The following BCAS3 variants were observed in gnomAD, a reference collection of about 807,000 sequenced individuals.
BCAS3 encodes BCAS4/BCAS3 fusion.
A neutral mutation model predicts 116.1 loss-of-function variants in BCAS3; 53 were observed. The ratio of observed to expected loss-of-function variants is 0.46; its 90% confidence interval spans 0.37 to 0.57. The LOEUF (loss-of-function observed/expected upper bound fraction) is 0.57. BCAS3 is among the 20% of genes least tolerant of loss of function. BCAS3 has a pLI of 0.00. For synonymous variants in BCAS3, 391 were observed against 408.2 expected (o/e 0.96, Z 0.51); for missense variants, 917 against 1,165.4 (o/e 0.79, Z 3.10).
chr17:61,212,634 A>C (rs1438441199), intron 22 of BCAS3, among the ~76,000 whole-genome samples: 2 of 151,896 alleles, frequency 1.3e-5, no homozygotes, highest in Admixed American at 6.6e-5. Flanking sequence ...TAAACATATA[A>C]ATATTTCTGT....
At chr17:61,036,951 G>A (rs940719687) in intron 17 of BCAS3, among the ~76,000 whole-genome samples, 2 of 152,148 alleles carry the variant, frequency 1.3e-5, no homozygotes, top group Non-Finnish European at 2.9e-5. Flanking sequence ...AGCCAAATGA[G>A]CAGAAGGTCC....
intron 6 of BCAS3, among the ~76,000 whole-genome samples, chr17:60,795,115 G>A (rs2047101472): frequency 6.6e-6 from 1 of 151,990 alleles, no homozygotes; most frequent in Admixed American, 6.6e-5. Flanking sequence ...TCCTTGTAGA[G>A]GTCTTTTGAG....
At chr17:61,287,764 CA>C (rs1317339169) in intron 22 of BCAS3, among the ~76,000 whole-genome samples, 1 of 151,898 alleles carries the variant, frequency 6.6e-6, no homozygotes, top group Non-Finnish European at 1.5e-5. Flanking sequence ...ACCAACAAGC[CA>C]AAAAAGTACA....
chr17:60,765,984 T>C (rs1376863883), intron 6 of BCAS3, among the ~76,000 whole-genome samples: 3 of 152,238 alleles, frequency 2.0e-5, no homozygotes, highest in African/African-American at 2.4e-5. Context: ...AATCGGCTAC[T>C]GAAGCATGTG....
At chr17:61,154,852 G>T (rs1031064191) in intron 22 of BCAS3, among the ~76,000 whole-genome samples, 1 of 151,240 alleles carries the variant, frequency 6.6e-6, no homozygotes, top group Non-Finnish European at 1.5e-5. Flanking sequence ...GTAAATGAAG[G>T]CACTAAATAT....
At position 61,380,464 on chromosome 17, in the gene BCAS3, G is replaced by GT. The variant is rs1228551379; in HGVS notation, c.2594-11510dup. The GT allele has an allele frequency of 6.4e-7, 1 of 1,564,346 alleles. No individual in the cohort carries two copies. The stretch of plus-strand genomic sequence containing the variant: ...CTCTTCCTGCTCTCTTAAAGGTCCA[G>GT]TTTGTGATCCGCTTTAAAGGAATAT... On this transcript the variant is annotated intron_variant, in intron 23 of 23. Transcript: ENST00000407086. The surrounding 1 kb of genome is among the most constrained non-coding windows in gnomAD (Gnocchi z 4.2).
chr17:60,984,893 C>T (rs1419422015), intron 14 of BCAS3, among the ~76,000 whole-genome samples: 2 of 151,082 alleles, frequency 1.3e-5, no homozygotes, highest in African/African-American at 4.9e-5. Flanking sequence ...GCCTGTAATC[C>T]CAGCTATTTG....
chr17:60,827,751 T>G (rs1246933212), intron 7 of BCAS3, among the ~76,000 whole-genome samples: 1 of 93,060 alleles, frequency 1.1e-5, no homozygotes, highest in Non-Finnish European at 2.0e-5. Flanking sequence ...TTCCTCCCCC[T>G]GTAGAAGAAG....
chr17:61,315,810 C>T lies in BCAS3; in HGVS notation c.2426-52517C>T, dbSNP rs1015633153. 1.3e-5 allele frequency among the ~76,000 whole-genome samples: 2 copies of T among 152,118 alleles called. No individual in the cohort carries two copies. The highest frequency in any genetic ancestry group is 6.5e-5 in the Admixed American group (1 of 15,270). On this transcript the variant is annotated intron_variant, in intron 22 of 23. Coordinates refer to ENST00000407086, the MANE Select transcript of BCAS3 (RefSeq NM_017679.5). The surrounding 1 kb of genome is among the most constrained non-coding windows in gnomAD (Gnocchi z 5.3). ...ATCTGCCTCCACATGCCGCTGCGTC[C>T]CCTCCACGGCTCCCCTGCAGTAGCA...
chr17:60,900,934 C>G (rs1298311963), intron 10 of BCAS3, among the ~76,000 whole-genome samples: 1 of 151,906 alleles, frequency 6.6e-6, no homozygotes, highest in Non-Finnish European at 1.5e-5. Context: ...TAGGGCTGGG[C>G]GTGGTGGCTC....
chr17:60,812,165 GTGATGT>G (rs1346666006), intron 7 of BCAS3, among the ~76,000 whole-genome samples: 2 of 152,186 alleles, frequency 1.3e-5, no homozygotes, highest in Non-Finnish European at 2.9e-5. Flanking sequence ...TGAGCATATG[GTGATGT>G]TGAATAGAGT....
Position 61,367,476 on chromosome 17 carries a change from G to C in BCAS3, c.2426-851G>C, listed in dbSNP as rs985905837. 2.6e-5 allele frequency: 4 copies of C among 152,240 alleles called. No individual in the cohort carries two copies. The highest frequency in any genetic ancestry group is 4.4e-5 in the Non-Finnish European group (3 of 68,042). 9.4% of individuals were successfully genotyped at this position (152,240 alleles called of 1,614,324 possible). On this transcript the variant is annotated intron_variant, in intron 22 of 23. Transcript: ENST00000407086. This position sits in a 1 kb window ranked among gnomAD's most constrained non-coding sequence, Gnocchi z 6.2. ...ACACCACAGACGTTTTGGAATTGGGGAGCAGCTTTGGCTTAAGGACAGACC... is the reference window on the plus strand; with the variant it reads ...ACACCACAGACGTTTTGGAATTGGGCAGCAGCTTTGGCTTAAGGACAGACC...
intron 13 of BCAS3, among the ~76,000 whole-genome samples, chr17:60,928,378 A>G (rs780035428): frequency 1.6e-4 from 24 of 152,350 alleles, no homozygotes; most frequent in Non-Finnish European, 2.8e-4. Context: ...AAAATATGGT[A>G]CATTTGAAAT....
At chr17:60,923,194 G>C (rs1358691315) in intron 12 of BCAS3, among the ~76,000 whole-genome samples, 1 of 152,144 alleles carries the variant, frequency 6.6e-6, no homozygotes, top group African/African-American at 2.4e-5. Flanking sequence ...GATTGAATTG[G>C]AGGTTCTAGC....
At chr17:61,074,844 C>A in intron 19 of BCAS3, 76 bp from the exon 20 acceptor site, 1 of 919,244 alleles carries the variant, frequency 1.1e-6, no homozygotes, top group Non-Finnish European at 1.7e-6. Context: ...CCATAGTATC[C>A]AAAATGGTTG....
intron 9 of BCAS3, among the ~76,000 whole-genome samples, chr17:60,882,303 G>T (rs928365675): frequency 4.0e-5 from 6 of 149,386 alleles, no homozygotes; most frequent in East Asian, 2.0e-4. Context: ...TTTTTTTCTT[G>T]TAAATTTGTT....
In BCAS3 at chr17:61,278,231, C is replaced by T. The variant is rs568384115; in HGVS notation, c.2426-90096C>T. ...CTAATTTTTGTATTTTTAGTAGAGA[C>T]GGGGTTTCACCATGTTGGCCAGGCT... On this transcript the variant is annotated intron_variant, in intron 22 of 23. Coordinates refer to ENST00000407086, the MANE Select transcript of BCAS3 (RefSeq NM_017679.5). The surrounding 1 kb of genome is among the most constrained non-coding windows in gnomAD (Gnocchi z 5.8). 2.1e-4 allele frequency among the ~76,000 whole-genome samples: 32 copies of T among 152,218 alleles called. No homozygotes were observed. Among genetic ancestry groups the T allele is most frequent in the Middle Eastern group, 3.4e-3 (1 of 292 alleles).
At chr17:60,728,006 G>A (rs547542788) in intron 5 of BCAS3, among the ~76,000 whole-genome samples, 7 of 151,696 alleles carry the variant, frequency 4.6e-5, no homozygotes, top group East Asian at 3.9e-4. Context: ...ATGGGGTTTC[G>A]CCATGTTACC....
chr17:61,176,164 A>AAAAAAAAAAAAAAAGG (rs1568511306), intron 22 of BCAS3, among the ~76,000 whole-genome samples: 6 of 149,716 alleles, frequency 4.0e-5, no homozygotes, highest in African/African-American at 1.5e-4. Context: ...AAAAAAAAGA[A>AAAAAAAAAAAAAAAGG]AAAGAAAAAG....
Sources: allele counts gnomAD v4.1 joint callset (sites outside exome capture counted in the v4.1 genomes callset), GRCh38; gene constraint gnomAD v4.1.1; non-coding constraint Gnocchi (gnomAD v3.1); transcripts MANE v1.5; gene names NCBI Gene and HGNC (gene_info 2026-07-23, HGNC 2026-07-21).